Variants in SCOC observed in about 807,000 individuals in gnomAD.
SCOC encodes the protein short coiled-coil protein.
A neutral mutation model predicts 9.9 loss-of-function variants in SCOC; 7 were observed. That is an observed-to-expected ratio of 0.71 (90% confidence interval 0.40 to 1.33). The LOEUF (loss-of-function observed/expected upper bound fraction) is 1.33, where lower values mean the gene tolerates loss of function less well. Among genes scored for constraint, SCOC ranks in the 40% most tolerant of loss-of-function variants. The pLI is 0.01. For missense variants in SCOC, 66 were observed against 89.7 expected, an observed-to-expected ratio of 0.74 and a Z score of 1.07; for synonymous variants, 19 against 28.2, an observed-to-expected ratio of 0.67 and a Z score of 1.03.
intron 1 of SCOC, among the ~76,000 whole-genome samples, chr4:140,258,645 T>C (rs1730563371): frequency 6.6e-6 from 1 of 152,220 alleles, no homozygotes; most frequent in Admixed American, 6.5e-5. Context: ...GCGCTTTAGA[T>C]TGTGTCTGAG....
intron 1 of SCOC, among the ~76,000 whole-genome samples, chr4:140,265,988 C>G (rs923234878): frequency 2.6e-5 from 4 of 152,224 alleles, no homozygotes; most frequent in Non-Finnish European, 5.9e-5. Flanking sequence ...GCCCTCTGCT[C>G]TGTCCAGGGC....
At chr4:140,380,375 T>G (rs959728118) in intron 3 of SCOC, among the ~76,000 whole-genome samples, 2 of 151,898 alleles carry the variant, frequency 1.3e-5, no homozygotes, top group African/African-American at 2.4e-5. Flanking sequence ...TTTTTTTGTA[T>G]TTTTAGTAGA....
chr4:140,311,249 GA>G (rs1732148763), intron 1 of SCOC, among the ~76,000 whole-genome samples: 1 of 152,064 alleles, frequency 6.6e-6, no homozygotes, highest in African/African-American at 2.4e-5. Context: ...AATAAAAAAA[GA>G]TTTTTTTTAA....
intron 1 of SCOC, chr4:140,293,289 G>A: frequency 4.4e-6 from 2 of 456,574 alleles, no homozygotes; most frequent in Non-Finnish European, 8.8e-6. Flanking sequence ...CCTTGTCAGG[G>A]AGGGTCTGAG....
At chr4:140,310,341 G>A (rs1732114428) in intron 1 of SCOC, among the ~76,000 whole-genome samples, 1 of 152,186 alleles carries the variant, frequency 6.6e-6, no homozygotes, top group Non-Finnish European at 1.5e-5. Context: ...GAAGTCACAA[G>A]TTTCTCTCCT....
At chr4:140,281,462 C>T (rs1048840305) in intron 1 of SCOC, among the ~76,000 whole-genome samples, 1 of 152,310 alleles carries the variant, frequency 6.6e-6, no homozygotes, top group African/African-American at 2.4e-5. Flanking sequence ...CATCCCAAGG[C>T]TCCACATATG....
intron 1 of SCOC, among the ~76,000 whole-genome samples, chr4:140,288,870 AC>A (rs957569221): frequency 5.3e-5 from 8 of 151,490 alleles, no homozygotes; most frequent in African/African-American, 1.5e-4. Flanking sequence ...TACAAAACAC[AC>A]CCCCATACCA....
At chr4:140,287,073 C>T (rs1280445926) in intron 1 of SCOC, among the ~76,000 whole-genome samples, 1 of 152,020 alleles carries the variant, frequency 6.6e-6, no homozygotes, top group Non-Finnish European at 1.5e-5. Context: ...ACCTGCCACA[C>T]AGACCATGCA....
chr4:140,384,125 T>A lies in SCOC; in HGVS notation c.*3021T>A, dbSNP rs358317. On this transcript the variant is annotated 3_prime_UTR_variant, in exon 4 of 4. Transcript: ENST00000608372. Reference sequence around the variant, plus strand: ...TTTGTCTATTCCCTTCTATCTTTGCTTGAAAATGTCAATTTTTTTGATACC... The same window carrying A: ...TTTGTCTATTCCCTTCTATCTTTGCATGAAAATGTCAATTTTTTTGATACC... The A allele has an allele frequency of 6.6e-6, 1 of 152,216 alleles. No homozygotes were observed. Among genetic ancestry groups the A allele is most frequent in the Non-Finnish European group, 1.5e-5 (1 of 68,042 alleles). 9.4% of individuals were successfully genotyped at this position (152,216 alleles called of 1,614,324 possible).
At chr4:140,363,861 T>C (rs566894166) in intron 2 of SCOC, among the ~76,000 whole-genome samples, 87 of 152,348 alleles carry the variant, frequency 5.7e-4, no homozygotes, top group Non-Finnish European at 2.8e-4. Context: ...ACTGTAAACC[T>C]TGAATAACAC....
Position 140,379,197 on chromosome 4 carries a change from G to A in SCOC, c.22+5G>A, listed in dbSNP as rs770208097. The A allele has an allele frequency of 6.3e-7, 1 of 1,593,822 alleles. No homozygotes were observed. Among genetic ancestry groups the A allele is most frequent in the Non-Finnish European group, 8.6e-7 (1 of 1,161,834 alleles). On this transcript the variant is annotated splice_donor_5th_base_variant and intron_variant, in intron 2 of 3. Transcript: ENST00000608372. The stretch of plus-strand genomic sequence containing the variant: ...TGATGAATGCTGACATGGATGGTAT[G>A]TTCTTCATTTTCTTTTTTGTATACT...
chr4:140,337,490 T>A (rs908141189), intron 1 of SCOC, among the ~76,000 whole-genome samples: 6 of 152,122 alleles, frequency 3.9e-5, no homozygotes, highest in African/African-American at 1.4e-4. Flanking sequence ...TATAGCCCAA[T>A]GGACTAGAAA....
chr4:140,349,996 C>T (rs1307413003), intron 2 of SCOC, among the ~76,000 whole-genome samples: 2 of 152,200 alleles, frequency 1.3e-5, no homozygotes, highest in Non-Finnish European at 2.9e-5. Context: ...TCATTTCCTG[C>T]CACACCATTT....
intron 1 of SCOC, among the ~76,000 whole-genome samples, chr4:140,258,216 AC>A (rs1351989977): frequency 6.6e-6 from 1 of 152,060 alleles, no homozygotes; most frequent in Non-Finnish European, 1.5e-5. Context: ...GGTGGAAATA[AC>A]CCCCATTTTC....
intron 1 of SCOC, among the ~76,000 whole-genome samples, chr4:140,336,618 C>T (rs757267073): frequency 5.3e-5 from 8 of 152,068 alleles, no homozygotes; most frequent in East Asian, 1.9e-4. Context: ...TTTATTTATC[C>T]ATTTCTCCAT....
rs1460702358 is a variant in SCOC, at chr4:140,382,121, A to G, written c.*1017A>G. ...CTGCAAAATTCCGTAATGGTGTATT[A>G]GTATTAGAATAGTGAATAAAATGGG... is the stretch of plus-strand genomic sequence containing the variant. On this transcript the variant is annotated 3_prime_UTR_variant, in exon 4 of 4. Coordinates refer to ENST00000608372, the MANE Select transcript of SCOC (RefSeq NM_001153484.2). 3 of 152,210 alleles carry G rather than the reference A, an allele frequency of 2.0e-5. No homozygotes were observed. The highest frequency in any genetic ancestry group is 2.0e-4 in the Admixed American group (3 of 15,284). The allele number at this position is 152,210 out of a possible 1,614,324, so 9.4% of individuals were successfully genotyped here.
At chr4:140,277,631 T>C (rs1392733184) in intron 1 of SCOC, among the ~76,000 whole-genome samples, 1 of 152,184 alleles carries the variant, frequency 6.6e-6, no homozygotes, top group Admixed American at 6.5e-5. Context: ...TACAAAGAGA[T>C]ATTTTTAGAC....
At chr4:140,294,279 C>G (rs1048183196) in intron 1 of SCOC, among the ~76,000 whole-genome samples, 1 of 152,098 alleles carries the variant, frequency 6.6e-6, no homozygotes, top group Non-Finnish European at 1.5e-5. Context: ...GTGTCACTAC[C>G]AAGGAAAGAT....
At chr4:140,373,825 C>G (rs1578880680) in intron 1 of SCOC, 108 bp downstream of exon 1, 1 of 1,227,564 alleles carries the variant, frequency 8.1e-7, no homozygotes, top group East Asian at 2.5e-5. Flanking sequence ...CGGCCCTGCG[C>G]ACCGGGGGCC....
Sources: gnomAD v4.1 joint callset for allele counts (sites outside exome capture counted in the v4.1 genomes callset) on GRCh38, gnomAD v4.1.1 for gene constraint, MANE v1.5 for transcripts, NCBI Gene and HGNC (gene_info 2026-07-23, HGNC 2026-07-21) for gene names.